The following EYA1 variants were observed in gnomAD, a reference collection of about 807,000 sequenced individuals.
EYA1 encodes the protein EYA transcriptional coactivator and phosphatase 1.
EYA1 carries 16 observed loss-of-function variants against 82.0 expected under a neutral mutation model. The observed-to-expected ratio is 0.20, with a 90% CI of 0.13 to 0.30. EYA1 has a LOEUF of 0.30. Ranked by LOEUF, EYA1 falls within the 10% of genes least tolerant of loss-of-function variation. EYA1 has a pLI of 1.00. For missense variants in EYA1, 633 were observed against 730.7 expected, an observed-to-expected ratio of 0.87 and a Z score of 1.54; for synonymous variants, 261 against 264.4, an observed-to-expected ratio of 0.99 and a Z score of 0.12.
intron 2 of EYA1, among the ~76,000 whole-genome samples, chr8:71,412,238 G>A (rs187317654): frequency 9.3e-6 from 1 of 107,958 alleles, no homozygotes; most frequent in African/African-American, 3.5e-5. Context: ...GTGGGGTGGG[G>A]GGAGGGGGGA....
intron 2 of EYA1, among the ~76,000 whole-genome samples, chr8:71,479,487 A>G (rs917912384): frequency 1.3e-5 from 2 of 152,054 alleles, no homozygotes; most frequent in African/African-American, 4.8e-5. Flanking sequence ...CCCAGGCTGT[A>G]AGGCCATGGG....
At chr8:71,219,763 T>TAA (rs1323550267) in intron 12 of EYA1, among the ~76,000 whole-genome samples, 4 of 152,198 alleles carry the variant, frequency 2.6e-5, no homozygotes, top group Non-Finnish European at 5.9e-5. Context: ...TAACCTGTTG[T>TAA]AAGTCCAGCA....
chr8:71,329,229 C>A (rs1823522929), intron 4 of EYA1, among the ~76,000 whole-genome samples: 1 of 152,202 alleles, frequency 6.6e-6, no homozygotes, highest in Non-Finnish European at 1.5e-5. Context: ...GAACCCCTGA[C>A]ATCCCTATCT....
chr8:71,362,096 C>T, upstream of EYA1: 3 of 984,308 alleles, frequency 3.0e-6, no homozygotes, highest in Non-Finnish European at 3.6e-6. Context: ...ACAGCAGAAT[C>T]TCATCCCTCG....
At chr8:71,383,254 TTAGAGTG>T (rs1828810140) in intron 2 of EYA1, among the ~76,000 whole-genome samples, 1 of 152,090 alleles carries the variant, frequency 6.6e-6, no homozygotes, top group African/African-American at 2.4e-5. Flanking sequence ...CACACTTCTG[TTAGAGTG>T]TAAAAAGGTA....
chr8:71,365,240 A>T (rs1369321145), upstream of EYA1, among the ~76,000 whole-genome samples: 6 of 151,922 alleles, frequency 3.9e-5, no homozygotes, highest in Admixed American at 3.9e-4. Context: ...AATTCCAATA[A>T]TGAAAATAAA....
At chr8:71,492,489 G>C in intron 2 of EYA1, among the ~76,000 whole-genome samples, 1 of 148,510 alleles carries the variant, frequency 6.7e-6, no homozygotes. Flanking sequence ...TTTTGAGACG[G>C]AGTCTCGCTC....
chr8:71,444,444 G>A (rs1468219713), intron 2 of EYA1, among the ~76,000 whole-genome samples: 1 of 152,186 alleles, frequency 6.6e-6, no homozygotes. Context: ...AGATTGAAAG[G>A]GGGCAGAGAT....
At chr8:71,418,011 AG>A (rs1199631339) in intron 2 of EYA1, among the ~76,000 whole-genome samples, 1 of 152,170 alleles carries the variant, frequency 6.6e-6, no homozygotes, top group African/African-American at 2.4e-5. Context: ...CCCTTCTCTG[AG>A]CTGCCTTAGG....
At chr8:71,205,435 G>A (rs1807638895) in intron 17 of EYA1, among the ~76,000 whole-genome samples, 1 of 151,864 alleles carries the variant, frequency 6.6e-6, no homozygotes, top group East Asian at 1.9e-4. Flanking sequence ...AAGAACAACT[G>A]GTGGATTTTG....
At chr8:71,291,519 G>GA (rs1161180606) in intron 9 of EYA1, among the ~76,000 whole-genome samples, 2 of 152,044 alleles carry the variant, frequency 1.3e-5, no homozygotes, top group African/African-American at 2.4e-5. Context: ...AAATTCAAAT[G>GA]AAAAAATCCT....
intron 2 of EYA1, among the ~76,000 whole-genome samples, chr8:71,448,405 G>A (rs1034759790): frequency 6.6e-5 from 10 of 152,072 alleles, no homozygotes. Flanking sequence ...TAAGATTGTA[G>A]CAACTCAGTC....
intron 2 of EYA1, among the ~76,000 whole-genome samples, chr8:71,492,560 G>C (rs1197418857): frequency 6.6e-6 from 1 of 151,712 alleles, no homozygotes; most frequent in African/African-American, 2.4e-5. Context: ...CGCCTCCCGG[G>C]TTCACGCCAT....
At chr8:71,219,282 C>T (rs190666052) in intron 12 of EYA1, among the ~76,000 whole-genome samples, 3 of 152,314 alleles carry the variant, frequency 2.0e-5, no homozygotes, top group Admixed American at 6.5e-5. Flanking sequence ...AGCAAACTCA[C>T]TTCACAGTGA....
chr8:71,397,249 C>T (rs938835409), intron 2 of EYA1, among the ~76,000 whole-genome samples: 61 of 152,220 alleles, frequency 4.0e-4, no homozygotes, highest in Non-Finnish European at 8.2e-4. Context: ...TCCAATTTGC[C>T]AGTCTGTGTC....
intron 16 of EYA1, 42 bp from the exon 17 acceptor site, chr8:71,211,298 T>C (rs920326580): frequency 2.3e-6 from 3 of 1,325,144 alleles, no homozygotes; most frequent in African/African-American, 1.4e-5. Flanking sequence ...GAAGTTTGGG[T>C]AACCTAATGT....
intron 9 of EYA1, among the ~76,000 whole-genome samples, chr8:71,286,572 T>A (rs982697936): frequency 6.6e-6 from 1 of 152,106 alleles, no homozygotes; most frequent in Non-Finnish European, 1.5e-5. Flanking sequence ...GGGAAACTCA[T>A]AGGCTTTACT....
At chr8:71,523,872 G>C (rs1813626079) in intron 2 of EYA1, among the ~76,000 whole-genome samples, 1 of 152,088 alleles carries the variant, frequency 6.6e-6, no homozygotes, top group Admixed American at 6.5e-5. Context: ...CAAACAGAAA[G>C]ATAATCATTT....
At chr8:71,545,317 CA>C (rs2129294774) in intron 1 of EYA1, among the ~76,000 whole-genome samples, 1 of 152,242 alleles carries the variant, frequency 6.6e-6, no homozygotes, top group Admixed American at 6.5e-5. Flanking sequence ...AACCATAATG[CA>C]ATATACTCAG....
Sources: gnomAD v4.1 joint callset for allele counts (sites outside exome capture counted in the v4.1 genomes callset) on GRCh38, gnomAD v4.1.1 for gene constraint, MANE v1.5 for transcripts, NCBI Gene and HGNC (gene_info 2026-07-23, HGNC 2026-07-21) for gene names.